WEE2: variants seen among roughly 807,000 people sequenced by gnomAD.
The protein encoded by WEE2 is WEE2 oocyte meiosis inhibiting kinase.
In WEE2, 50 loss-of-function variants were observed where a neutral mutation model predicts 60.1. The observed-to-expected ratio is 0.83, with a 90% CI of 0.66 to 1.05. The LOEUF (loss-of-function observed/expected upper bound fraction) is 1.05. WEE2 is among the 50% of genes least tolerant of loss of function. The probability of loss-of-function intolerance (pLI) is 0.00; values close to 1 mark genes in which losing one functional copy is unlikely to be tolerated. For synonymous variants in WEE2, 240 were observed against 241.0 expected (o/e 1.00, Z 0.04); for missense variants, 631 against 684.3 (o/e 0.92, Z 0.87).
rs902941562 is a variant in WEE2 at position 141,716,132 on chromosome 7, T to G, written c.540-90T>G. On this transcript the variant is annotated intron_variant, in intron 2 of 11. Coordinates refer to ENST00000397541, the MANE Select transcript of WEE2 (RefSeq NM_001105558.1). ...ATAAACCGAAGAGAAATGAATTGTC[T>G]TATTTACTCTTACATCCCTAGAACC... 11 of 1,128,524 alleles carry G rather than the reference T, an allele frequency of 9.7e-6. No individual in the cohort carries two copies. The African/African-American group carries it at 1.7e-4, about 18-fold the overall frequency. 69.9% of individuals were successfully genotyped at this position (1,128,524 alleles called of 1,614,324 possible).
rs1195898996 is a variant in WEE2 at position 141,719,193 on chromosome 7, G to A, written c.707G>A (p.Cys236Tyr). Residue 236 changes from cysteine to tyrosine, a missense_variant, in exon 4 of 12, where the codon TGT becomes TAT. Transcript: ENST00000397541. ...VYKCIKRLDG[C>Y]VYAIKRSMKT... The stretch of plus-strand genomic sequence containing the variant: ...AAGTGCATTAAGAGGCTGGATGGAT[G>A]TGTTTATGCAATAAAGCGCTCTATG... The A allele has an allele frequency of 1.9e-6, 3 of 1,613,710 alleles. No homozygotes were observed. Among genetic ancestry groups the A allele is most frequent in the East Asian group, 2.2e-5 (1 of 44,872 alleles).
chr7:141,716,386 T>G (rs780135274), intron 3 of WEE2, 119 bp downstream of exon 3: 189 of 936,782 alleles, frequency 2.0e-4, no homozygotes, highest in South Asian at 4.3e-4. Context: ...TACCCTCCCT[T>G]TTCTCCTTCC....
In WEE2 at chr7:141,709,119, A is replaced by G. The variant is rs779556291; in HGVS notation, c.342+19A>G. 4.4e-6 allele frequency: 7 copies of G among 1,599,448 alleles called. No individual in the cohort carries two copies. In the South Asian group the frequency reaches 6.7e-5, roughly 15 times the overall value. On this transcript the variant is annotated intron_variant, in intron 1 of 11. Transcript: ENST00000397541. ...TCCCAAAGTAAGTAAGGGGTGGGGG[A>G]AAAAGGGACGCAGGTCGCCAAGCTC...
At chr7:141,717,691 TA>T (rs1394908380) in intron 3 of WEE2, among the ~76,000 whole-genome samples, 3 of 152,230 alleles carry the variant, frequency 2.0e-5, no homozygotes, top group African/African-American at 7.2e-5. Flanking sequence ...AAGTGGTTAG[TA>T]AATACTTCTA....
intron 6 of WEE2, 46 bp from the exon 7 acceptor site, chr7:141,723,895 A>C: frequency 7.9e-7 from 1 of 1,261,570 alleles, no homozygotes. Context: ...GAGAGGAAAA[A>C]GCTTAGAAGT....
chr7:141,725,079 A>C lies in WEE2; in HGVS notation c.1275A>C (p.Ala425=). The C allele has an allele frequency of 6.2e-7, 1 of 1,614,174 alleles. No homozygotes were observed. Among genetic ancestry groups the C allele is most frequent in the Non-Finnish European group, 8.5e-7 (1 of 1,180,018 alleles). The change falls in exon 9 of 12, where the codon GCA becomes GCC. Residue 425 remains alanine, a synonymous_variant. Transcript: ENST00000397541. ...ADIFALGLTI[A]VAAGAESLPT... Reference sequence around the variant, plus strand: ...TATTTGCCTTGGGATTAACAATTGCAGTGGCTGCAGGAGCAGAGTCATTGC... The same window carrying C: ...TATTTGCCTTGGGATTAACAATTGCCGTGGCTGCAGGAGCAGAGTCATTGC...
chr7:141,721,066 A>G lies in WEE2; in HGVS notation c.880+10A>G. 1.9e-6 allele frequency: 3 copies of G among 1,613,686 alleles called. No homozygotes were observed. In the African/African-American group the frequency reaches 4.0e-5, roughly 22 times the overall value. On this transcript the variant is annotated intron_variant, in intron 5 of 11. Coordinates refer to ENST00000397541, the MANE Select transcript of WEE2 (RefSeq NM_001105558.1). ...AATGAATACTGCAATGGTAAGTAGT[A>G]TATAGATGAATAACTACGAAGAGGG...
At chr7:141,725,231 T>A (rs1278465211) in intron 9 of WEE2, 35 bp downstream of exon 9, 1 of 1,589,634 alleles carries the variant, frequency 6.3e-7, no homozygotes, top group African/African-American at 1.4e-5. Flanking sequence ...GAAGATGCAA[T>A]ATCTATTTTT....
chr7:141,729,849 G>A (rs1386569961), intron 11 of WEE2, among the ~76,000 whole-genome samples, 176 bp downstream of exon 11: 2 of 152,056 alleles, frequency 1.3e-5, no homozygotes, highest in Admixed American at 6.6e-5. Flanking sequence ...TTAGCAGGGC[G>A]AGGTGGCAGG....
At position 141,729,579 on chromosome 7, in the gene WEE2, T is replaced by C; in HGVS notation, c.1584T>C (p.His528=). ...QQAQSPQGYT[H]HGDTGVSGTH... ...CCCAGTCACCCCAGGGATATACCCA[T>C]CATGGTGACACTGGGGTCTCTGGGA... Residue 528 remains histidine (H), a synonymous_variant, in exon 11 of 12, where the codon CAT becomes CAC. Transcript: ENST00000397541. 1 of 1,614,150 alleles carries C rather than the reference T, an allele frequency of 6.2e-7. No individual in the cohort carries two copies. Among genetic ancestry groups the C allele is most frequent in the South Asian group, 1.1e-5 (1 of 91,082 alleles).
At chr7:141,716,675 C>T (rs1290767177) in intron 3 of WEE2, among the ~76,000 whole-genome samples, 1 of 151,994 alleles carries the variant, frequency 6.6e-6, no homozygotes, top group East Asian at 1.9e-4. Context: ...TGGATCATTA[C>T]TTTAGAGTAA....
chr7:141,725,224 G>A (rs1798991802), intron 9 of WEE2, 28 bp downstream of exon 9: 1 of 1,594,922 alleles, frequency 6.3e-7, no homozygotes, highest in African/African-American at 1.3e-5. Flanking sequence ...ATGAACAGAA[G>A]ATGCAATATC....
intron 5 of WEE2, among the ~76,000 whole-genome samples, chr7:141,721,955 T>A (rs1200389155): frequency 6.6e-6 from 1 of 152,242 alleles, no homozygotes; most frequent in East Asian, 1.9e-4. Context: ...GCTAAAATAA[T>A]TCTTTAAATT....
chr7:141,722,979 G>A (rs1227820209), intron 5 of WEE2, among the ~76,000 whole-genome samples, 155 bp from the exon 6 acceptor site: 2 of 152,202 alleles, frequency 1.3e-5, no homozygotes, highest in African/African-American at 4.8e-5. Flanking sequence ...AGAGTACTAT[G>A]CCATTTTATA....
Position 141,709,000 on chromosome 7 carries a change from T to G in WEE2, c.242T>G (p.Leu81Trp). 1.9e-6 allele frequency: 3 copies of G among 1,614,142 alleles called. No individual in the cohort carries two copies. The highest frequency in any genetic ancestry group is 2.5e-6 in the Non-Finnish European group (3 of 1,180,016). Residue 81 changes from leucine (L) to tryptophan (W), a missense_variant, in exon 1 of 12, where the codon TTG (leucine) becomes TGG (tryptophan). Coordinates refer to ENST00000397541, the MANE Select transcript of WEE2 (RefSeq NM_001105558.1). The stretch of plus-strand genomic sequence containing the variant: ...GACAAAGAAAGTCCAGATCAGATTT[T>G]GAGGACTCCAGTGTCACACCCTCTC... ...EKDKESPDQI[L>W]RTPVSHPLKC...
intron 4 of WEE2, among the ~76,000 whole-genome samples, chr7:141,720,350 A>G (rs1191658841): frequency 6.6e-6 from 1 of 151,836 alleles, no homozygotes; most frequent in Non-Finnish European, 1.5e-5. Flanking sequence ...GAGATTCATC[A>G]AGTACTCTAT....
intron 5 of WEE2, among the ~76,000 whole-genome samples, chr7:141,721,695 C>T (rs1197511473): frequency 6.6e-6 from 1 of 152,036 alleles, no homozygotes; most frequent in African/African-American, 2.4e-5. Flanking sequence ...AACTCCTGAC[C>T]TCAGGTGATC....
intron 10 of WEE2, 83 bp downstream of exon 10, chr7:141,727,529 T>A: frequency 6.6e-7 from 1 of 1,510,938 alleles, no homozygotes; most frequent in Non-Finnish European, 9.0e-7. Flanking sequence ...GTCTTCTCTG[T>A]GGATTCAAGT....
intron 1 of WEE2, among the ~76,000 whole-genome samples, chr7:141,712,117 T>C (rs1446061385): frequency 6.6e-6 from 1 of 152,028 alleles, no homozygotes; most frequent in Non-Finnish European, 1.5e-5. Context: ...TCATATTGAC[T>C]GGGCCTTTAA....
Sources: gnomAD v4.1 joint callset for allele counts (sites outside exome capture counted in the v4.1 genomes callset) on GRCh38, gnomAD v4.1.1 for gene constraint, MANE v1.5 for transcripts, NCBI Gene and HGNC (gene_info 2026-07-23, HGNC 2026-07-21) for gene names.